SGMS1: variants seen among roughly 807,000 people sequenced by gnomAD.
SGMS1 encodes the protein phosphatidylcholine:ceramide cholinephosphotransferase 1.
In SGMS1, 13 loss-of-function variants were observed where a neutral mutation model predicts 46.2. The ratio of observed to expected loss-of-function variants is 0.28; its 90% CI spans 0.18 to 0.45. The LOEUF (loss-of-function observed/expected upper bound fraction) is 0.45, where lower values mean the gene tolerates loss of function less well. Ranked by LOEUF, SGMS1 falls within the 20% of genes least tolerant of loss-of-function variation. The pLI, the probability that SGMS1 is intolerant of heterozygous loss-of-function variation, is 1.00. For synonymous variants in SGMS1, 203 were observed against 187.8 expected (o/e 1.08, Z -0.66); for missense variants, 324 against 519.9 (o/e 0.62, Z 3.66).
chr10:50,514,353 G>T (rs2208035), intron 3 of SGMS1, among the ~76,000 whole-genome samples: 1 of 152,118 alleles, frequency 6.6e-6, no homozygotes, highest in Admixed American at 6.6e-5. Context: ...TAACAAAACC[G>T]CCAGTTCTTT....
Position 50,462,077 on chromosome 10 carries a change from C to T in SGMS1, c.-454-1263G>A, listed in dbSNP as rs746653947. ...ATAATTGCAGCACTAGCCTAGGCAA[C>T]AAAACGAGACCTCATATCTACAAAA... On this transcript the variant is annotated intron_variant, in intron 4 of 10. Coordinates refer to ENST00000361781, the MANE Select transcript of SGMS1 (RefSeq NM_147156.4). Among the ~76,000 whole-genome samples, 348 of 152,066 alleles carry T rather than the reference C, an allele frequency of 2.3e-3. 2 individuals are homozygous for T. Among genetic ancestry groups the T allele is most frequent in the South Asian group, 5.4e-3 (26 of 4,814 alleles).
upstream of SGMS1, chr10:50,624,710 A>T (rs1021704379): frequency 1.2e-5 from 12 of 985,394 alleles, 1 homozygote; most frequent in South Asian, 5.6e-4. Context: ...AGTCGCCTGA[A>T]GGAAGGTTTT....
At chr10:50,522,467 C>A (rs115464881) in intron 2 of SGMS1, among the ~76,000 whole-genome samples, 7 of 152,106 alleles carry the variant, frequency 4.6e-5, no homozygotes, top group African/African-American at 1.7e-4. Flanking sequence ...CTTTTATAGT[C>A]ATTGTTCATA....
chr10:50,531,611 G>T (rs1837954210), intron 2 of SGMS1, among the ~76,000 whole-genome samples: 1 of 152,050 alleles, frequency 6.6e-6, no homozygotes. Context: ...CTAGGGCTTG[G>T]CTCTTTATCT....
Position 50,305,730 on chromosome 10 carries a change from A to G in SGMS1, c.*1412T>C, listed in dbSNP as rs1847174513. 6.5e-6 allele frequency: 1 copy of G among 152,780 alleles called. No homozygotes were observed. Among genetic ancestry groups the G allele is most frequent in the Admixed American group, 6.5e-5 (1 of 15,280 alleles). The allele number at this position is 152,780 out of a possible 1,614,324, so 9.5% of individuals were successfully genotyped here. ...GATTTAAAACAAACAAAATTTTAAA[A>G]GCCTTTTTATTTCCTTCACCATTAT... On this transcript the variant is annotated 3_prime_UTR_variant, in exon 11 of 11. Coordinates refer to ENST00000361781, the MANE Select transcript of SGMS1 (RefSeq NM_147156.4).
intron 7 of SGMS1, among the ~76,000 whole-genome samples, chr10:50,340,178 G>A (rs1019302372): frequency 2.0e-5 from 3 of 152,170 alleles, no homozygotes; most frequent in African/African-American, 7.2e-5. Flanking sequence ...AATTTCTCTG[G>A]TGACTTGGAA....
intron 7 of SGMS1, among the ~76,000 whole-genome samples, chr10:50,334,044 C>T (rs1847672383): frequency 6.6e-6 from 1 of 152,134 alleles, no homozygotes; most frequent in South Asian, 2.1e-4. Flanking sequence ...ACAACAAAAC[C>T]CAGGTCTTTC....
chr10:50,478,118 A>G (rs1380044558), intron 3 of SGMS1, among the ~76,000 whole-genome samples: 2 of 152,222 alleles, frequency 1.3e-5, no homozygotes, highest in East Asian at 1.9e-4. Flanking sequence ...TTCCAACTGC[A>G]TAGATGTATG....
intron 3 of SGMS1, among the ~76,000 whole-genome samples, chr10:50,510,430 A>G (rs1837743352): frequency 6.6e-6 from 1 of 152,206 alleles, no homozygotes; most frequent in Admixed American, 6.5e-5. Flanking sequence ...CTTATATGGT[A>G]TATGTTTAAC....
At chr10:50,570,135 G>A (rs925382946) in intron 2 of SGMS1, among the ~76,000 whole-genome samples, 13 of 152,116 alleles carry the variant, frequency 8.5e-5, no homozygotes, top group African/African-American at 2.4e-4. Context: ...CTTATTCCCC[G>A]AGCAAAATGC....
intron 1 of SGMS1, among the ~76,000 whole-genome samples, chr10:50,606,494 C>G (rs764499190): frequency 1.3e-5 from 2 of 151,948 alleles, no homozygotes; most frequent in Admixed American, 6.5e-5. Context: ...TTACTATAAT[C>G]AAAAAAGATG....
At chr10:50,539,781 C>A (rs1838035940) in intron 2 of SGMS1, among the ~76,000 whole-genome samples, 1 of 152,214 alleles carries the variant, frequency 6.6e-6, no homozygotes, top group South Asian at 2.1e-4. Context: ...TGAAATGGAT[C>A]TTTCACTAGC....
At chr10:50,549,175 C>G (rs1290500577) in intron 2 of SGMS1, among the ~76,000 whole-genome samples, 1 of 152,158 alleles carries the variant, frequency 6.6e-6, no homozygotes, top group Admixed American at 6.5e-5. Context: ...ACCATTTGAC[C>G]CAGCAATCCC....
At chr10:50,357,925 A>G (rs1207614794) in intron 6 of SGMS1, among the ~76,000 whole-genome samples, 1 of 152,194 alleles carries the variant, frequency 6.6e-6, no homozygotes, top group African/African-American at 2.4e-5. Flanking sequence ...TGAAAGTCCT[A>G]CATGCGTAGT....
chr10:50,574,233 T>C (rs977430122), intron 2 of SGMS1, among the ~76,000 whole-genome samples: 3 of 152,250 alleles, frequency 2.0e-5, no homozygotes, highest in Non-Finnish European at 4.4e-5. Flanking sequence ...GGGGAAATAT[T>C]TGCAAACCTT....
intron 2 of SGMS1, among the ~76,000 whole-genome samples, chr10:50,559,198 C>T (rs1838213138): frequency 6.6e-6 from 1 of 152,186 alleles, no homozygotes; most frequent in Non-Finnish European, 1.5e-5. Flanking sequence ...AAGAGTTACA[C>T]AAGCCCCCCA....
chr10:50,411,390 GA>G (rs1214279456), intron 6 of SGMS1, among the ~76,000 whole-genome samples: 11 of 152,052 alleles, frequency 7.2e-5, no homozygotes, highest in South Asian at 4.1e-4. Flanking sequence ...CAAAAGGGGG[GA>G]AAAAAACAAT....
At position 50,610,947 on chromosome 10, in the gene SGMS1, G is replaced by A. The variant is rs373985025; in HGVS notation, c.-684+12760C>T. On this transcript the variant is annotated intron_variant, in intron 1 of 10. Transcript: ENST00000361781. ...CCATCTACAAAGGCTTCCACAAAAA[G>A]CAATGGCATACAGGGGACATTCTGT... Among the ~76,000 whole-genome samples the A allele has an allele frequency of 3.3e-5, 5 of 152,266 alleles. No homozygotes were observed. The East Asian group carries it at 7.7e-4, about 24-fold the overall frequency.
At chr10:50,346,208 T>A (rs1847909228) in intron 6 of SGMS1, among the ~76,000 whole-genome samples, 1 of 152,242 alleles carries the variant, frequency 6.6e-6, no homozygotes, top group African/African-American at 2.4e-5. Context: ...GATATTTAAC[T>A]AAGAAATCAT....
Sources: allele counts gnomAD v4.1 joint callset (sites outside exome capture counted in the v4.1 genomes callset), GRCh38; gene constraint gnomAD v4.1.1; transcripts MANE v1.5; gene names NCBI Gene and HGNC (gene_info 2026-07-23, HGNC 2026-07-21).